The following HIVEP1 variants were observed in gnomAD, a reference collection of about 807,000 sequenced individuals.
HIVEP1 encodes the protein zinc finger protein 40.
HIVEP1 carries 36 observed loss-of-function variants against 180.0 expected under a neutral mutation model. The ratio of observed to expected loss-of-function variants is 0.20; its 90% confidence interval spans 0.15 to 0.26. The LOEUF is 0.26. Among genes scored for constraint, HIVEP1 ranks in the 10% least tolerant of loss-of-function variants. The pLI is 1.00. For synonymous variants in HIVEP1, 1,239 were observed against 1,239.0 expected (o/e 1.00, Z 0.00); for missense variants, 3,143 against 3,268.7 (o/e 0.96, Z 0.94).
chr6:12,125,241 G>A lies in HIVEP1; in HGVS notation c.5446G>A (p.Asp1816Asn). The change falls in exon 4 of 9, where the codon GAT becomes AAT. Residue 1816 changes from aspartate to asparagine, a missense_variant. Transcript: ENST00000379388. ...EPLDGVMLEK[D>N]VFSQPEISNE... ...CCTGGACGGTGTGATGTTGGAAAAG[G>A]ATGTTTTTTCTCAACCTGAAATTAG... 6.2e-7 allele frequency: 1 copy of A among 1,614,136 alleles called. No homozygotes were observed. Among genetic ancestry groups the A allele is most frequent in the Non-Finnish European group, 8.5e-7 (1 of 1,180,020 alleles).
At chr6:12,188,712 A>T in the HIVEP1 span, among the ~76,000 whole-genome samples, 9 of 152,050 alleles carry the variant, frequency 5.9e-5, no homozygotes, top group African/African-American at 2.2e-4. Flanking sequence ...TTATCCAAAT[A>T]GAATGGTATG....
At chr6:12,105,998 A>G (rs1774402232) in intron 3 of HIVEP1, among the ~76,000 whole-genome samples, 1 of 151,456 alleles carries the variant, frequency 6.6e-6, no homozygotes. Flanking sequence ...ATATACATAT[A>G]TATATACACA....
At chr6:12,198,094 A>G in the HIVEP1 span, among the ~76,000 whole-genome samples, 1 of 152,202 alleles carries the variant, frequency 6.6e-6, no homozygotes, top group African/African-American at 2.4e-5. Flanking sequence ...ATGCTAGTGA[A>G]GCACACAGAG....
At position 12,121,922 on chromosome 6, in the gene HIVEP1, C is replaced by G; in HGVS notation, c.2127C>G (p.Pro709=). 1 of 1,614,178 alleles carries G rather than the reference C, an allele frequency of 6.2e-7. No individual in the cohort carries two copies. Among genetic ancestry groups the G allele is most frequent in the Non-Finnish European group, 8.5e-7 (1 of 1,180,016 alleles). Residue 709 remains proline, a synonymous_variant, in exon 4 of 9, where the codon CCC becomes CCG. Transcript: ENST00000379388. This position sits in a 1 kb window ranked among gnomAD's most constrained non-coding sequence, Gnocchi z 5.3. ...AAGACTCTGGAAGGAGTAACGGACC[C>G]TCTGCAGCTCTTGTCACCACGTCAA... is the stretch of plus-strand genomic sequence containing the variant. ...TEQDSGRSNG[P]SAALVTTSTP...
intron 2 of HIVEP1, among the ~76,000 whole-genome samples, chr6:12,049,446 C>A (rs1770356875): frequency 1.3e-5 from 2 of 152,122 alleles, no homozygotes; most frequent in African/African-American, 4.8e-5. Flanking sequence ...CTGTGTTCGG[C>A]AGAGTGTGTG....
intron 2 of HIVEP1, among the ~76,000 whole-genome samples, chr6:12,070,251 A>G (rs1483215309): frequency 6.6e-6 from 1 of 152,234 alleles, no homozygotes; most frequent in Non-Finnish European, 1.5e-5. Context: ...TATCATTATC[A>G]AGCATTATGT....
At chr6:12,201,860 G>T in the HIVEP1 span, among the ~76,000 whole-genome samples, 1 of 152,124 alleles carries the variant, frequency 6.6e-6, no homozygotes, top group African/African-American at 2.4e-5. Context: ...TTTGAAAACA[G>T]TATAGGTTGG....
At chr6:12,202,823 G>C in the HIVEP1 span, among the ~76,000 whole-genome samples, 1 of 152,134 alleles carries the variant, frequency 6.6e-6, no homozygotes, top group African/African-American at 2.4e-5. Context: ...ATGAGCATTA[G>C]CCACGTGTCA....
chr6:12,085,227 A>C (rs1054559338), intron 2 of HIVEP1, among the ~76,000 whole-genome samples: 1 of 152,076 alleles, frequency 6.6e-6, no homozygotes, highest in Admixed American at 6.5e-5. Flanking sequence ...AGAGAGAGTG[A>C]TGGGCTCTGG....
intron 3 of HIVEP1, among the ~76,000 whole-genome samples, chr6:12,104,577 C>T (rs1774319626): frequency 1.3e-5 from 2 of 151,674 alleles, no homozygotes; most frequent in Admixed American, 6.6e-5. Flanking sequence ...CACCACTGCA[C>T]CCAGATTATA....
At chr6:12,180,379 C>T in the HIVEP1 span, among the ~76,000 whole-genome samples, 1 of 152,190 alleles carries the variant, frequency 6.6e-6, no homozygotes. Context: ...TCACAAACTT[C>T]AATCTTCATC....
the HIVEP1 span, among the ~76,000 whole-genome samples, chr6:12,210,051 C>T: frequency 6.6e-6 from 1 of 151,962 alleles, no homozygotes; most frequent in Non-Finnish European, 1.5e-5. Context: ...TGCAGTGAAC[C>T]AGGATCGTGC....
chr6:12,053,227 G>A (rs1326625337), intron 2 of HIVEP1, among the ~76,000 whole-genome samples: 1 of 151,670 alleles, frequency 6.6e-6, no homozygotes, highest in Non-Finnish European at 1.5e-5. Flanking sequence ...TGCTGTTCAT[G>A]TGTGTGTGTG....
intron 2 of HIVEP1, among the ~76,000 whole-genome samples, chr6:12,046,563 G>A (rs1469606477): frequency 6.6e-6 from 1 of 152,022 alleles, no homozygotes; most frequent in Non-Finnish European, 1.5e-5. Context: ...GGTGGATCAC[G>A]AGGTCAAGAG....
chr6:12,187,612 A>G, the HIVEP1 span, among the ~76,000 whole-genome samples: 1 of 145,632 alleles, frequency 6.9e-6, no homozygotes, highest in African/African-American at 2.6e-5. Flanking sequence ...TTTTTTTTTT[A>G]AACGGAGTCT....
intron 2 of HIVEP1, among the ~76,000 whole-genome samples, chr6:12,057,675 G>A (rs972574598): frequency 6.6e-6 from 1 of 151,964 alleles, no homozygotes; most frequent in African/African-American, 2.4e-5. Context: ...GATGTTCTGG[G>A]GTATTCTAGT....
At chr6:12,167,090 T>G (rs1215605289), downstream of HIVEP1, among the ~76,000 whole-genome samples, 4 of 152,194 alleles carry the variant, frequency 2.6e-5, no homozygotes, top group African/African-American at 9.6e-5. Context: ...ACCGATGGTA[T>G]TGAATGTACA....
chr6:12,153,571 C>CAAAAAAAA (rs3070558), intron 7 of HIVEP1, among the ~76,000 whole-genome samples: 2 of 94,650 alleles, frequency 2.1e-5, no homozygotes, highest in Non-Finnish European at 4.2e-5. Context: ...GTAAGAAATG[C>CAAAAAAAA]AAAAAAAAAA....
At chr6:12,070,523 C>G (rs1771900585) in intron 2 of HIVEP1, among the ~76,000 whole-genome samples, 2 of 152,082 alleles carry the variant, frequency 1.3e-5, no homozygotes, top group Non-Finnish European at 2.9e-5. Context: ...AACCCTGCCT[C>G]TACTAAAAAG....
Sources: gnomAD v4.1 joint callset for allele counts (sites outside exome capture counted in the v4.1 genomes callset) on GRCh38, gnomAD v4.1.1 for gene constraint, Gnocchi (gnomAD v3.1) non-coding constraint, MANE v1.5 for transcripts, NCBI Gene and HGNC (gene_info 2026-07-23, HGNC 2026-07-21) for gene names.